The following BUB1B variants were observed in gnomAD, a reference collection of about 807,000 sequenced individuals.
The protein encoded by BUB1B is BUB1 mitotic checkpoint serine/threonine kinase B, also known as mitotic checkpoint serine/threonine-protein kinase BUB1 beta.
A neutral mutation model predicts 137.7 loss-of-function variants in BUB1B; 86 were observed. The ratio of observed to expected loss-of-function variants is 0.62; its 90% CI spans 0.52 to 0.75. The LOEUF is 0.75. Among genes scored for constraint, BUB1B ranks in the 30% least tolerant of loss-of-function variants. The pLI, the probability that BUB1B is intolerant of heterozygous loss-of-function variation, is 0.00. For missense variants in BUB1B, 1,130 were observed against 1,236.9 expected, an observed-to-expected ratio of 0.91 and a Z score of 1.30; for synonymous variants, 420 against 417.9, an observed-to-expected ratio of 1.00 and a Z score of -0.06.
At chr15:40,179,203 T>G (rs1410280842) in intron 5 of BUB1B, among the ~76,000 whole-genome samples, 1 of 152,176 alleles carries the variant, frequency 6.6e-6, no homozygotes, top group Non-Finnish European at 1.5e-5. Context: ...TTCAGCATAC[T>G]GTTTTCAAGG....
At chr15:40,166,382 C>A (rs1595508688) in intron 2 of BUB1B, 2 of 431,348 alleles carry the variant, frequency 4.6e-6, no homozygotes, top group African/African-American at 2.1e-5. Context: ...CTCTTTCGGC[C>A]AGGCTGGAGT....
At chr15:40,189,733 A>T (rs984274642) in intron 8 of BUB1B, among the ~76,000 whole-genome samples, 1 of 152,076 alleles carries the variant, frequency 6.6e-6, no homozygotes, top group Admixed American at 6.5e-5. Context: ...TACCTAGGAG[A>T]GGAATTGCTG....
Position 40,220,794 on chromosome 15 carries a change from G to A in BUB1B, c.*35G>A, listed in dbSNP as rs779739477. On this transcript the variant is annotated 3_prime_UTR_variant, in exon 23 of 23. Coordinates refer to ENST00000287598, the MANE Select transcript of BUB1B (RefSeq NM_001211.6). ...TCAAGTCTCACAGATTGCTGCCTCA[G>A]AGCAATGGTTGTATTGTGGAACACT... The A allele has an allele frequency of 6.3e-7, 1 of 1,589,744 alleles. No homozygotes were observed. Among genetic ancestry groups the A allele is most frequent in the Non-Finnish European group, 8.6e-7 (1 of 1,157,984 alleles).
intron 3 of BUB1B, 48 bp from the exon 4 acceptor site, chr15:40,170,489 G>A: frequency 6.2e-7 from 1 of 1,602,148 alleles, no homozygotes; most frequent in Non-Finnish European, 8.5e-7. Flanking sequence ...AAGAACAAAA[G>A]TACATGTTCA....
intron 5 of BUB1B, among the ~76,000 whole-genome samples, chr15:40,181,115 A>G (rs1206069263): frequency 1.4e-5 from 2 of 145,328 alleles, no homozygotes; most frequent in African/African-American, 5.1e-5. Context: ...TTTTTTAGAC[A>G]GAGTCTAGCT....
rs1338598763 is a variant in BUB1B at position 40,209,816 on chromosome 15, A to G, written c.2284+41A>G. The G allele has an allele frequency of 1.9e-6, 3 of 1,607,918 alleles. No individual in the cohort carries two copies. The Middle Eastern group carries it at 4.9e-4, about 265-fold the overall frequency. ...CTCATGTCCTCTGGTTCATGACAGT[A>G]TACAAATAAGTGATTATTTGTACTT... On this transcript the variant is annotated intron_variant, in intron 17 of 22. Transcript: ENST00000287598.
intron 8 of BUB1B, among the ~76,000 whole-genome samples, chr15:40,195,073 G>T (rs1181570110): frequency 1.3e-5 from 2 of 151,960 alleles, no homozygotes; most frequent in Non-Finnish European, 2.9e-5. Context: ...TGAAATTTTG[G>T]TGCACCCGTC....
At chr15:40,202,929 G>T (rs2037593224) in intron 14 of BUB1B, among the ~76,000 whole-genome samples, 1 of 152,202 alleles carries the variant, frequency 6.6e-6, no homozygotes, top group South Asian at 2.1e-4. Context: ...TGGCAAAATT[G>T]TGGAGAAATT....
chr15:40,208,074 C>A (rs953325968), intron 15 of BUB1B, among the ~76,000 whole-genome samples: 1 of 150,656 alleles, frequency 6.6e-6, no homozygotes, highest in Non-Finnish European at 1.5e-5. Flanking sequence ...GAGCCATGAT[C>A]GCACCACTGC....
At chr15:40,174,388 T>TA (rs1316565537) in intron 4 of BUB1B, among the ~76,000 whole-genome samples, 2 of 152,210 alleles carry the variant, frequency 1.3e-5, no homozygotes, top group Non-Finnish European at 2.9e-5. Context: ...AAGATATAAA[T>TA]AAAACATTCC....
At chr15:40,161,833 G>A (rs2037046175) in intron 1 of BUB1B, among the ~76,000 whole-genome samples, 1 of 152,106 alleles carries the variant, frequency 6.6e-6, no homozygotes, top group Admixed American at 6.5e-5. Flanking sequence ...TTCTAGGTTG[G>A]AAATCTGTAT....
intron 4 of BUB1B, among the ~76,000 whole-genome samples, chr15:40,172,604 G>A (rs780439220): frequency 3.9e-5 from 6 of 152,164 alleles, no homozygotes; most frequent in East Asian, 3.9e-4. Context: ...AGTAGGCTGC[G>A]GAGGAAGAAA....
intron 1 of BUB1B, among the ~76,000 whole-genome samples, chr15:40,163,749 A>G (rs1028891051): frequency 1.3e-5 from 2 of 152,184 alleles, no homozygotes; most frequent in African/African-American, 4.8e-5. Context: ...AAGTTTGGTG[A>G]CGTTTTTGTG....
chr15:40,199,694 C>T lies in BUB1B; in HGVS notation c.1368C>T (p.Ile456=), dbSNP rs201813238. 5.3e-5 allele frequency: 85 copies of T among 1,613,734 alleles called. No homozygotes were observed. Among genetic ancestry groups the T allele is most frequent in the Non-Finnish European group, 6.7e-5 (79 of 1,179,860 alleles). The change falls in exon 10 of 23, where the codon ATC becomes ATT. Residue 456 remains isoleucine (I), a synonymous_variant. Transcript: ENST00000287598. ...AGATGGAGAAGAAGCTAAAAGAAAT[C>T]CAAACTACTCAGCAAGAAAGAACAG... ...IEEMEKKLKE[I]QTTQQERTGD...
chr15:40,183,734 C>G lies in BUB1B; in HGVS notation c.602C>G (p.Ser201Cys). The G allele has an allele frequency of 6.2e-7, 1 of 1,614,064 alleles. No homozygotes were observed. Among genetic ancestry groups the G allele is most frequent in the Non-Finnish European group, 8.5e-7 (1 of 1,179,976 alleles). Residue 201 changes from serine (S) to cysteine (C), a missense_variant, in exon 6 of 23, where the codon TCT becomes TGT. Ser to Cys is a moderately radical substitution (Grantham distance 112, BLOSUM62 -1). Transcript: ENST00000287598. ...TTTAGACAATTCCAAGCTCGAGTGTCTCGGCAAACTCTGTTGGCACTTGAG... is the reference window on the plus strand; with the variant it reads ...TTTAGACAATTCCAAGCTCGAGTGTGTCGGCAAACTCTGTTGGCACTTGAG... The part of the protein sequence containing the change: ...SQHRQFQARV[S>C]RQTLLALEKE...
intron 19 of BUB1B, 83 bp from the exon 20 acceptor site, chr15:40,213,249 A>G (rs1252633659): frequency 2.5e-5 from 38 of 1,499,496 alleles, no homozygotes; most frequent in Non-Finnish European, 3.4e-5. Context: ...GAAGACTACA[A>G]ACCATCAGTT....
At position 40,176,578 on chromosome 15, in the gene BUB1B, T is replaced by C. The variant is rs2037226212; in HGVS notation, c.486T>C (p.Tyr162=). ...TCTATATCTCATGGGCAGAAGAATA[T>C]GAAGCTAGAGAAAACTTTAGGAAAG... ...AQFYISWAEE[Y]EARENFRKAD... Residue 162 remains tyrosine (Y), a synonymous_variant, in exon 5 of 23, where the codon TAT becomes TAC. Transcript: ENST00000287598. The C allele has an allele frequency of 1.2e-6, 2 of 1,614,100 alleles. No individual in the cohort carries two copies. Among genetic ancestry groups the C allele is most frequent in the Non-Finnish European group, 8.5e-7 (1 of 1,180,002 alleles).
intron 15 of BUB1B, among the ~76,000 whole-genome samples, chr15:40,208,407 A>C (rs1417120232): frequency 1.3e-5 from 2 of 151,922 alleles, no homozygotes; most frequent in Non-Finnish European, 2.9e-5. Flanking sequence ...GCATGGTGGC[A>C]GGTGCCTGTA....
At chr15:40,190,545 C>G (rs1242596337) in intron 8 of BUB1B, among the ~76,000 whole-genome samples, 1 of 152,152 alleles carries the variant, frequency 6.6e-6, no homozygotes, top group East Asian at 1.9e-4. Context: ...GCCCAGGAGT[C>G]TACGGCTGCA....
Sources: allele counts gnomAD v4.1 joint callset (sites outside exome capture counted in the v4.1 genomes callset), GRCh38; gene constraint gnomAD v4.1.1; transcripts MANE v1.5; gene names NCBI Gene and HGNC (gene_info 2026-07-23, HGNC 2026-07-21).